The following BTD variants were observed in gnomAD, a reference collection of about 807,000 sequenced individuals.
The protein encoded by BTD is biocytinase.
In BTD, 13 loss-of-function variants were observed where a neutral mutation model predicts 17.7. The ratio of observed to expected loss-of-function variants is 0.74; its 90% CI spans 0.48 to 1.17. The LOEUF is 1.17. BTD is among the 50% of genes most tolerant of loss of function. The pLI is 0.00. For synonymous variants in BTD, 240 were observed against 245.2 expected (o/e 0.98, Z 0.20); for missense variants, 674 against 650.4 (o/e 1.04, Z -0.39).
At chr3:15,601,968 CAGT>C in intron 1 of BTD, 74 bp downstream of exon 1, 1 of 1,589,588 alleles carries the variant, frequency 6.3e-7, no homozygotes, top group Non-Finnish European at 8.6e-7. Context: ...CCCGGGCGCC[CAGT>C]TGGACTTGGG....
chr3:15,697,509 T>C (rs897597685), intron 3 of BTD: 6 of 151,998 alleles, frequency 3.9e-5, no homozygotes, highest in Admixed American at 1.3e-4. Flanking sequence ...ATCATGTGTT[T>C]GTTTTTTTTT....
Position 15,667,157 on chromosome 3 carries a change from A to G in BTD, c.399+25100A>G, listed in dbSNP as rs565993210. The G allele has an allele frequency of 4.6e-5, 7 of 152,354 alleles. No homozygotes were observed. In the South Asian group the frequency reaches 1.2e-3, roughly 27 times the overall value. The allele number at this position is 152,354 out of a possible 1,614,324, so 9.4% of individuals were successfully genotyped here. A position where few individuals can be genotyped will look rare whatever the true frequency, so the allele number is the denominator to read the frequency against. ...CTAAAAAGTCATTTTTTTATTAGAAAAGGAAAAAAAACTTGTCAATTCAAT... is the reference window on the plus strand; with the variant it reads ...CTAAAAAGTCATTTTTTTATTAGAAGAGGAAAAAAAACTTGTCAATTCAAT... On this transcript the variant is annotated intron_variant, in intron 3 of 3. Transcript: ENST00000672141.
intron 1 of BTD, among the ~76,000 whole-genome samples, chr3:15,624,124 G>A (rs2065015946): frequency 6.6e-6 from 1 of 151,904 alleles, no homozygotes; most frequent in Non-Finnish European, 1.5e-5. Flanking sequence ...TTTCCCTCTG[G>A]CTTCTTTCAG....
intron 1 of BTD, among the ~76,000 whole-genome samples, chr3:15,634,310 G>A (rs2065288987): frequency 6.6e-6 from 1 of 152,130 alleles, no homozygotes; most frequent in Non-Finnish European, 1.5e-5. Flanking sequence ...ATTTGTCTTT[G>A]TTATCTTGAC....
At chr3:15,658,140 C>A (rs2065889645), downstream of BTD, among the ~76,000 whole-genome samples, 1 of 149,672 alleles carries the variant, frequency 6.7e-6, no homozygotes, top group Non-Finnish European at 1.5e-5. Flanking sequence ...TGCACTCCAG[C>A]CTGAGGTGAC....
At chr3:15,719,901 C>T (rs543765614) in intron 4 of BTD, among the ~76,000 whole-genome samples, 20 of 152,100 alleles carry the variant, frequency 1.3e-4, no homozygotes, top group African/African-American at 4.8e-4. Flanking sequence ...GACAGGGTCT[C>T]ACTCTGTCAC....
downstream of BTD, among the ~76,000 whole-genome samples, chr3:15,715,483 T>C (rs2072896501): frequency 1.3e-5 from 2 of 152,238 alleles, no homozygotes; most frequent in East Asian, 1.9e-4. Context: ...ACTTAAGTGT[T>C]TGATTCCATA....
intron 1 of BTD, among the ~76,000 whole-genome samples, chr3:15,626,648 G>A (rs758341027): frequency 2.6e-5 from 4 of 152,002 alleles, no homozygotes; most frequent in Non-Finnish European, 5.9e-5. Flanking sequence ...ATGGTAGCAT[G>A]CACCTGTAGT....
At chr3:15,684,531 T>C (rs966816739) in intron 3 of BTD, 3 of 152,336 alleles carry the variant, frequency 2.0e-5, no homozygotes, top group African/African-American at 4.8e-5. Flanking sequence ...TAGAATGTGA[T>C]ACATCTCACT....
intron 1 of BTD, 117 bp downstream of exon 1, chr3:15,602,011 G>A: frequency 6.6e-7 from 1 of 1,521,118 alleles, no homozygotes; most frequent in South Asian, 1.2e-5. Context: ...CCGGGAGCTG[G>A]GAAGCCCGGC....
rs576690682 is a variant in BTD, at chr3:15,605,517, C to CA, written c.-17+3624dup. 1.1e-3 allele frequency among the ~76,000 whole-genome samples: 166 copies of CA among 152,218 alleles called. 2 individuals are homozygous for CA. Among genetic ancestry groups the CA allele is most frequent in the Non-Finnish European group, 1.1e-3 (73 of 68,018 alleles). ...TCAGAGGGTGACTTCTTTCAAGTCTCAGAGTGTATCTAAAAAGAAAATGCA... is the reference window on the plus strand; with the variant it reads ...TCAGAGGGTGACTTCTTTCAAGTCTCAAGAGTGTATCTAAAAAGAAAATGCA... On this transcript the variant is annotated intron_variant, in intron 1 of 3. Coordinates refer to ENST00000643237, the MANE Select transcript of BTD (RefSeq NM_001370658.1).
chr3:15,660,132 C>T (rs1358320464), intron 3 of BTD, among the ~76,000 whole-genome samples: 1 of 152,228 alleles, frequency 6.6e-6, no homozygotes, highest in East Asian at 1.9e-4. Context: ...CTATGGTCCT[C>T]ATTTCACAGA....
intron 3 of BTD, among the ~76,000 whole-genome samples, chr3:15,706,008 A>C (rs765558167): frequency 1.3e-5 from 2 of 150,490 alleles, no homozygotes; most frequent in Non-Finnish European, 3.0e-5. Flanking sequence ...CTCAAAACGA[A>C]ACAAAACAAC....
intron 2 of BTD, among the ~76,000 whole-genome samples, chr3:15,641,402 A>G (rs189610746): frequency 6.6e-6 from 1 of 152,308 alleles, no homozygotes; most frequent in Non-Finnish European, 1.5e-5. Context: ...CAGTCAATCA[A>G]ATCAGACTTT....
chr3:15,706,037 C>A, intron 3 of BTD, among the ~76,000 whole-genome samples: 1 of 97,732 alleles, frequency 1.0e-5, no homozygotes, highest in Non-Finnish European at 2.3e-5. Context: ...AAAAAACCCA[C>A]AAAAACAAAC....
rs1009546761 is a variant in BTD at position 15,635,761 on chromosome 3, G to A, written c.249+73G>A. 6.2e-7 allele frequency: 1 copy of A among 1,605,300 alleles called. No individual in the cohort carries two copies. The highest frequency in any genetic ancestry group is 8.5e-7 in the Non-Finnish European group (1 of 1,174,784). On this transcript the variant is annotated intron_variant, in intron 2 of 3. Transcript: ENST00000643237. This position sits in a 1 kb window ranked among gnomAD's most constrained non-coding sequence, Gnocchi z 4.1. ...GCTCTTTACCCCTTGATCAGTGGTT[G>A]GGTAATCCCAGGCTTCCTACCACCC...
intron 1 of BTD, among the ~76,000 whole-genome samples, chr3:15,612,094 A>T (rs2064654184): frequency 6.6e-6 from 1 of 151,692 alleles, no homozygotes; most frequent in Admixed American, 6.6e-5. Flanking sequence ...TTTCTTGAGC[A>T]TGCCATTACT....
intron 1 of BTD, among the ~76,000 whole-genome samples, chr3:15,627,842 C>T (rs1318235272): frequency 6.6e-6 from 1 of 152,220 alleles, no homozygotes; most frequent in Non-Finnish European, 1.5e-5. Flanking sequence ...TTGCTTCAGC[C>T]TCCCAAGTAG....
chr3:15,682,779 T>C (rs757853670), intron 3 of BTD, among the ~76,000 whole-genome samples: 2 of 152,244 alleles, frequency 1.3e-5, no homozygotes, highest in African/African-American at 4.8e-5. Context: ...TGCCAAATTA[T>C]AAAACGGGCT....
Sources: gnomAD v4.1 joint callset for allele counts (sites outside exome capture counted in the v4.1 genomes callset) on GRCh38, gnomAD v4.1.1 for gene constraint, Gnocchi (gnomAD v3.1) non-coding constraint, MANE v1.5 for transcripts, NCBI Gene and HGNC (gene_info 2026-07-23, HGNC 2026-07-21) for gene names.